The following IQCH variants were observed in gnomAD, a reference collection of about 807,000 sequenced individuals.
IQCH encodes the protein IQ domain-containing protein H.
In IQCH, 98 loss-of-function variants were observed where a neutral mutation model predicts 117.0. The observed-to-expected ratio is 0.84, with a 90% CI of 0.71 to 0.99. IQCH has a LOEUF of 0.99. Among genes scored for constraint, IQCH ranks in the 50% least tolerant of loss-of-function variants. The pLI is 0.00. For missense variants in IQCH, 1,102 were observed against 1,243.8 expected (o/e 0.89, Z 1.72); for synonymous variants, 412 against 448.2 (o/e 0.92, Z 1.02).
At position 67,422,245 on chromosome 15, in the gene IQCH, G is replaced by A. The variant is rs2081768530; in HGVS notation, c.2505+668G>A. On this transcript the variant is annotated intron_variant, in intron 16 of 20. Transcript: ENST00000335894. This position sits in a 1 kb window ranked among gnomAD's most constrained non-coding sequence, Gnocchi z 4.7. ...AGGGAGTGGAACCGGTCTAGAGCCT[G>A]TTTTATATAGAAAATCAATCACTAG... 6.6e-6 allele frequency among the ~76,000 whole-genome samples: 1 copy of A among 152,096 alleles called. No individual in the cohort carries two copies. The highest frequency in any genetic ancestry group is 2.1e-4 in the South Asian group (1 of 4,818).
chr15:67,279,161 C>T (rs943083232), intron 3 of IQCH, among the ~76,000 whole-genome samples: 6 of 152,092 alleles, frequency 3.9e-5, no homozygotes, highest in African/African-American at 1.2e-4. Context: ...AGAAATAGAG[C>T]TTTTTATTCA....
At chr15:67,329,595 C>G (rs907503231) in intron 4 of IQCH, among the ~76,000 whole-genome samples, 5 of 152,086 alleles carry the variant, frequency 3.3e-5, no homozygotes, top group African/African-American at 1.2e-4. Context: ...CCTCACTCAG[C>G]CTCCCAAGTA....
At chr15:67,350,638 G>A (rs1969616496) in intron 6 of IQCH, among the ~76,000 whole-genome samples, 1 of 152,118 alleles carries the variant, frequency 6.6e-6, no homozygotes, top group African/African-American at 2.4e-5. Context: ...ATGTTGGCCA[G>A]GATGGTCTCA....
chr15:67,343,051 A>G (rs1331681741), intron 5 of IQCH, among the ~76,000 whole-genome samples: 1 of 152,194 alleles, frequency 6.6e-6, no homozygotes, highest in Non-Finnish European at 1.5e-5. Flanking sequence ...CCAACCCTTC[A>G]GTGATCATTC....
At chr15:67,302,682 C>T (rs1471048342) in intron 4 of IQCH, among the ~76,000 whole-genome samples, 2 of 152,118 alleles carry the variant, frequency 1.3e-5, no homozygotes, top group Non-Finnish European at 2.9e-5. Flanking sequence ...CATGGTGAAA[C>T]CCTGTCTCTA....
At chr15:67,394,451 G>C (rs545193297) in intron 12 of IQCH, among the ~76,000 whole-genome samples, 1 of 152,042 alleles carries the variant, frequency 6.6e-6, no homozygotes, top group Non-Finnish European at 1.5e-5. Flanking sequence ...TTGAGTACTC[G>C]GCAGATCCTT....
At chr15:67,340,562 G>T (rs1969124630) in intron 5 of IQCH, among the ~76,000 whole-genome samples, 1 of 148,720 alleles carries the variant, frequency 6.7e-6, no homozygotes, top group South Asian at 2.2e-4. Flanking sequence ...TTATGTCTTA[G>T]TACAAAGAGA....
Position 67,427,370 on chromosome 15 carries a change from GTTTTTCT to G in IQCH, c.2505+5804_2505+5810del, listed in dbSNP as rs1436330205. On this transcript the variant is annotated intron_variant, in intron 16 of 20. Coordinates refer to ENST00000335894, the MANE Select transcript of IQCH (RefSeq NM_001031715.3). This position sits in a 1 kb window ranked among gnomAD's most constrained non-coding sequence, Gnocchi z 4.7. ...AAGTTTCATATAGTCAAATCCAGCT[GTTTTTCT>G]TTTTTCTTTTCTTTTTTTTGTAGAG... Among the ~76,000 whole-genome samples, 1 of 151,902 alleles carries G rather than the reference GTTTTTCT, an allele frequency of 6.6e-6. No homozygotes were observed. The highest frequency in any genetic ancestry group is 2.4e-5 in the African/African-American group (1 of 41,356).
rs1751121304 is a variant in IQCH at position 67,408,170 on chromosome 15, G to A, written c.2097+7865G>A. On this transcript the variant is annotated intron_variant, in intron 14 of 20. Transcript: ENST00000335894. This position sits in a 1 kb window ranked among gnomAD's most constrained non-coding sequence, Gnocchi z 4.2. Reference sequence around the variant, plus strand: ...GGAAGGAAGGAATAAAGCAAAAGATGAGAGGAACGAGAATTGGTTAGTGTT... The same window carrying A: ...GGAAGGAAGGAATAAAGCAAAAGATAAGAGGAACGAGAATTGGTTAGTGTT... The A allele has an allele frequency of 6.6e-6, 1 of 152,236 alleles. No individual in the cohort carries two copies. The highest frequency in any genetic ancestry group is 2.4e-5 in the African/African-American group (1 of 41,464). The allele number at this position is 152,236 out of a possible 1,614,324, so 9.4% of individuals were successfully genotyped here.
At chr15:67,358,381 A>G (rs1338307149) in intron 7 of IQCH, among the ~76,000 whole-genome samples, 1 of 146,610 alleles carries the variant, frequency 6.8e-6, no homozygotes, top group East Asian at 2.0e-4. Context: ...TTTTTAGTAA[A>G]AACAAGGTTT....
Position 67,403,604 on chromosome 15 carries a change from C to A in IQCH, c.2097+3299C>A, listed in dbSNP as rs1381273750. The A allele has an allele frequency of 2.0e-5, 3 of 152,176 alleles. No homozygotes were observed. The highest frequency in any genetic ancestry group is 7.2e-5 in the African/African-American group (3 of 41,444). 9.4% of individuals were successfully genotyped at this position (152,176 alleles called of 1,614,324 possible). A position where few individuals can be genotyped will look rare whatever the true frequency, so the allele number is the denominator to read the frequency against. ...AAGTTTTAATGAATCCACACTCTTG[C>A]ACACACTCCAAACTCCACGTTCCCC... is the stretch of plus-strand genomic sequence containing the variant. On this transcript the variant is annotated intron_variant, in intron 14 of 20. Transcript: ENST00000335894. This position sits in a 1 kb window ranked among gnomAD's most constrained non-coding sequence, Gnocchi z 4.8.
intron 1 of IQCH, among the ~76,000 whole-genome samples, chr15:67,256,257 T>TCCA (rs1234624228): frequency 6.6e-6 from 1 of 152,176 alleles, no homozygotes; most frequent in Non-Finnish European, 1.5e-5. Flanking sequence ...GTCATTGACG[T>TCCA]CATTACCTGC....
intron 4 of IQCH, among the ~76,000 whole-genome samples, chr15:67,313,443 A>T (rs1967697530): frequency 6.7e-6 from 1 of 150,280 alleles, no homozygotes. Flanking sequence ...ATTAATGCTC[A>T]TTTGGTTCCT....
intron 1 of IQCH, among the ~76,000 whole-genome samples, chr15:67,260,366 A>G (rs1028216251): frequency 2.6e-5 from 4 of 152,194 alleles, no homozygotes; most frequent in Non-Finnish European, 5.9e-5. Flanking sequence ...TTGAAGGAAA[A>G]ATGTTAAAGT....
chr15:67,279,395 G>A lies in IQCH; in HGVS notation c.270G>A (p.Trp90Ter). Residue 90 changes from tryptophan (W) to a stop codon, truncating the protein, a stop_gained and splice_region_variant, in exon 4 of 21, where the codon TGG becomes TGA. Transcript: ENST00000335894. LOFTEE classifies it high-confidence loss of function. ...TTAAATTCCATTTCTTCTTACTTAG[G>A]TTACTTCCAACTGTAATTGATCAGA... ...ESLYTPQASK[W>*]LLPTVIDQKS... 6.6e-7 allele frequency: 1 copy of A among 1,516,014 alleles called. No individual in the cohort carries two copies. The highest frequency in any genetic ancestry group is 9.1e-7 in the Non-Finnish European group (1 of 1,098,968). The allele number at this position is 1,516,014 out of a possible 1,614,324, so 93.9% of individuals were successfully genotyped here. A position where few individuals can be genotyped will look rare whatever the true frequency, so the allele number is the denominator to read the frequency against.
intron 4 of IQCH, chr15:67,304,443 G>C: frequency 6.7e-7 from 1 of 1,502,846 alleles, no homozygotes; most frequent in Non-Finnish European, 8.9e-7. Flanking sequence ...ATATTAATCA[G>C]AGAAAAGCAT....
intron 19 of IQCH, among the ~76,000 whole-genome samples, chr15:67,492,042 C>T (rs533400155): frequency 1.3e-5 from 2 of 152,280 alleles, no homozygotes; most frequent in East Asian, 3.9e-4. Flanking sequence ...TCCCATTTCA[C>T]TCTCCCCAAA....
intron 16 of IQCH, among the ~76,000 whole-genome samples, chr15:67,444,897 T>A (rs2082358673): frequency 6.6e-6 from 1 of 152,218 alleles, no homozygotes; most frequent in Admixed American, 6.5e-5. Context: ...ACACCATCTG[T>A]CTTCATAGAA....
At chr15:67,497,396 A>G (rs2083849113) in intron 20 of IQCH, among the ~76,000 whole-genome samples, 1 of 152,224 alleles carries the variant, frequency 6.6e-6, no homozygotes. Flanking sequence ...AAATCAGTAT[A>G]CAAAAGACAA....
Sources: gnomAD v4.1 joint callset for allele counts (sites outside exome capture counted in the v4.1 genomes callset) on GRCh38, gnomAD v4.1.1 for gene constraint, Gnocchi (gnomAD v3.1) non-coding constraint, MANE v1.5 for transcripts, NCBI Gene and HGNC (gene_info 2026-07-23, HGNC 2026-07-21) for gene names.